The following RPS6KA5 variants were observed in gnomAD, a reference collection of about 807,000 sequenced individuals.
RPS6KA5 encodes ribosomal protein S6 kinase alpha-5.
RPS6KA5 carries 27 observed loss-of-function variants against 85.5 expected under a neutral mutation model. That is an observed-to-expected ratio of 0.32 (90% CI 0.23 to 0.44). RPS6KA5 has a LOEUF of 0.44. Among genes scored for constraint, RPS6KA5 ranks in the 20% least tolerant of loss-of-function variants. The pLI, the probability that RPS6KA5 is intolerant of heterozygous loss-of-function variation, is 1.00. For synonymous variants in RPS6KA5, 334 were observed against 348.2 expected (o/e 0.96, Z 0.46); for missense variants, 811 against 980.9 (o/e 0.83, Z 2.31).
At chr14:91,057,412 T>C (rs866488835) in intron 1 of RPS6KA5, among the ~76,000 whole-genome samples, 1 of 152,172 alleles carries the variant, frequency 6.6e-6, no homozygotes, top group Non-Finnish European at 1.5e-5. Context: ...ACCTACTATA[T>C]GCCAGGGGCT....
rs778230338 is a variant in RPS6KA5, at chr14:90,929,999, C to T, written c.619-6803G>A. Among the ~76,000 whole-genome samples the T allele has an allele frequency of 2.8e-4, 43 of 152,046 alleles. 2 individuals are homozygous for T. Among genetic ancestry groups the T allele is most frequent in the Non-Finnish European group, 2.2e-4 (15 of 67,994 alleles). On this transcript the variant is annotated intron_variant, in intron 5 of 16. Transcript: ENST00000614987. ...GAACCTTCTGCCTCAGCTTCCCGAG[C>T]AGCTGGGACTAAAGGCATGCACCAA...
chr14:91,024,655 A>G (rs1242102667), intron 1 of RPS6KA5, among the ~76,000 whole-genome samples: 2 of 151,924 alleles, frequency 1.3e-5, no homozygotes, highest in African/African-American at 4.8e-5. Context: ...CCCCTTTTCT[A>G]TTTATCTGAT....
intron 1 of RPS6KA5, among the ~76,000 whole-genome samples, chr14:91,016,408 GTCATA>G (rs796073869): frequency 1.2e-4 from 19 of 152,174 alleles, no homozygotes; most frequent in African/African-American, 4.6e-4. Context: ...TAAGACAACT[GTCATA>G]TTCATAATCT....
At chr14:90,898,465 T>C (rs1405882982) in intron 12 of RPS6KA5, among the ~76,000 whole-genome samples, 1 of 152,198 alleles carries the variant, frequency 6.6e-6, no homozygotes, top group African/African-American at 2.4e-5. Context: ...GTCACAGATA[T>C]TACAACAGCA....
rs943307993 is a variant in RPS6KA5 at position 91,014,494 on chromosome 14, T to C, written c.104-13335A>G. On this transcript the variant is annotated intron_variant, in intron 1 of 16. Coordinates refer to ENST00000614987, the MANE Select transcript of RPS6KA5 (RefSeq NM_004755.4). ...TCCAGCCTGGGGAATTGAGATAGAC[T>C]CCATCTCAAAAAAAAAAAAAACAAA... is the stretch of plus-strand genomic sequence containing the variant. Among the ~76,000 whole-genome samples, 50 of 139,096 alleles carry C rather than the reference T, an allele frequency of 3.6e-4. 1 individual carries two copies. The South Asian group carries it at 4.7e-3, about 13-fold the overall frequency. The allele number at this position is 139,096 out of a possible 152,430, so 91.3% of individuals were successfully genotyped here. A position where few individuals can be genotyped will look rare whatever the true frequency, so the allele number is the denominator to read the frequency against.
rs2032925626 is a variant in RPS6KA5, at chr14:90,868,866, T to C, written c.*3208A>G. 1 of 152,206 alleles carries C rather than the reference T, an allele frequency of 6.6e-6. No individual in the cohort carries two copies. The highest frequency in any genetic ancestry group is 1.5e-5 in the Non-Finnish European group (1 of 68,030). The allele number at this position is 152,206 out of a possible 1,614,324, so 9.4% of individuals were successfully genotyped here. A position where few individuals can be genotyped will look rare whatever the true frequency, so the allele number is the denominator to read the frequency against. ...AATAACTTACCTTATATTTAAAAGT[T>C]AGTCATTTACATACTTAAGAAATCA... On this transcript the variant is annotated 3_prime_UTR_variant, in exon 17 of 17. Coordinates refer to ENST00000614987, the MANE Select transcript of RPS6KA5 (RefSeq NM_004755.4).
At chr14:90,988,878 A>C (rs1171144896) in intron 2 of RPS6KA5, among the ~76,000 whole-genome samples, 2 of 152,204 alleles carry the variant, frequency 1.3e-5, no homozygotes, top group Non-Finnish European at 2.9e-5. Context: ...GTTATGCTTA[A>C]GGTAACATAC....
chr14:90,959,344 T>C (rs1566793793), intron 3 of RPS6KA5, among the ~76,000 whole-genome samples: 1 of 152,220 alleles, frequency 6.6e-6, no homozygotes, highest in African/African-American at 2.4e-5. Context: ...AGTAGTGTGA[T>C]ATGACTTTCA....
chr14:91,053,156 C>T (rs2043165725), intron 1 of RPS6KA5, among the ~76,000 whole-genome samples: 1 of 152,098 alleles, frequency 6.6e-6, no homozygotes, highest in African/African-American at 2.4e-5. Flanking sequence ...CAAAATCCAG[C>T]ACTCTTTCAT....
chr14:90,899,986 G>A, intron 11 of RPS6KA5, 122 bp downstream of exon 11: 1 of 728,184 alleles, frequency 1.4e-6, no homozygotes, highest in East Asian at 3.2e-5. Flanking sequence ...TGAGCCAAGT[G>A]GTTAAACCTT....
intron 3 of RPS6KA5, among the ~76,000 whole-genome samples, chr14:90,948,412 C>T (rs1421772998): frequency 2.0e-5 from 3 of 152,160 alleles, no homozygotes; most frequent in Admixed American, 6.5e-5. Flanking sequence ...ATCAGAAACA[C>T]TGAGCCGGGC....
intron 1 of RPS6KA5, among the ~76,000 whole-genome samples, chr14:91,054,335 T>G (rs2043219262): frequency 6.6e-6 from 1 of 152,042 alleles, no homozygotes; most frequent in African/African-American, 2.4e-5. Flanking sequence ...AAAGGTTTCA[T>G]CAACATTAAA....
chr14:90,937,772 T>C (rs1451504123), intron 5 of RPS6KA5, among the ~76,000 whole-genome samples: 1 of 152,128 alleles, frequency 6.6e-6, no homozygotes, highest in Non-Finnish European at 1.5e-5. Flanking sequence ...CTTGCAAGAC[T>C]TACTCATTAT....
At chr14:91,020,062 T>C (rs1170078167) in intron 1 of RPS6KA5, among the ~76,000 whole-genome samples, 2 of 152,210 alleles carry the variant, frequency 1.3e-5, no homozygotes, top group Non-Finnish European at 2.9e-5. Flanking sequence ...TTTGTCTAAT[T>C]AAACACATCT....
At chr14:91,030,563 C>A (rs1212424420) in intron 1 of RPS6KA5, among the ~76,000 whole-genome samples, 1 of 122,574 alleles carries the variant, frequency 8.2e-6, no homozygotes, top group Non-Finnish European at 1.6e-5. Flanking sequence ...TCAAGGATCA[C>A]CAGACAATTG....
intron 1 of RPS6KA5, among the ~76,000 whole-genome samples, chr14:91,034,379 G>A (rs536549199): frequency 6.6e-6 from 1 of 152,162 alleles, no homozygotes; most frequent in Non-Finnish European, 1.5e-5. Flanking sequence ...GTGATGAGAG[G>A]TGAAGCCAGC....
chr14:90,911,655 T>C (rs1349152036), intron 7 of RPS6KA5, among the ~76,000 whole-genome samples: 1 of 152,194 alleles, frequency 6.6e-6, no homozygotes, highest in Non-Finnish European at 1.5e-5. Flanking sequence ...CAAAATTATG[T>C]TTACAGAGAG....
chr14:90,862,903 A>AG lies in RPS6KA5; in HGVS notation c.*9170_*9171insC, dbSNP rs1566662476. 6.6e-6 allele frequency: 1 copy of AG among 151,838 alleles called. No individual in the cohort carries two copies. The highest frequency in any genetic ancestry group is 1.5e-5 in the Non-Finnish European group (1 of 67,942). 9.4% of individuals were successfully genotyped at this position (151,838 alleles called of 1,614,324 possible). ...TTTGAAAATTGAAGAATAAAGAAGA[A>AG]AAATACAAGATTATCTCAACAGAGG... On this transcript the variant is annotated 3_prime_UTR_variant, in exon 17 of 17. Transcript: ENST00000614987.
intron 13 of RPS6KA5, among the ~76,000 whole-genome samples, chr14:90,891,816 C>A (rs1004408272): frequency 2.0e-5 from 3 of 152,072 alleles, no homozygotes; most frequent in Non-Finnish European, 4.4e-5. Context: ...TTGATGGATG[C>A]GTGCTTGGGA....
Sources: allele counts gnomAD v4.1 joint callset (sites outside exome capture counted in the v4.1 genomes callset), GRCh38; gene constraint gnomAD v4.1.1; transcripts MANE v1.5; gene names NCBI Gene and HGNC (gene_info 2026-07-23, HGNC 2026-07-21).